RCBTB1: variants seen among roughly 807,000 people sequenced by gnomAD.
RCBTB1 encodes the protein RCC1 and BTB domain containing protein 1.
RCBTB1 carries 46 observed loss-of-function variants against 62.4 expected under a neutral mutation model. The observed-to-expected ratio is 0.74, with a 90% CI of 0.58 to 0.94. The LOEUF (loss-of-function observed/expected upper bound fraction) is 0.94, where lower values mean the gene tolerates loss of function less well. Among genes scored for constraint, RCBTB1 ranks in the 40% least tolerant of loss-of-function variants. The pLI is 0.00. For synonymous variants in RCBTB1, 222 were observed against 245.8 expected, an observed-to-expected ratio of 0.90 and a Z score of 0.91; for missense variants, 565 against 654.9, an observed-to-expected ratio of 0.86 and a Z score of 1.50.
intron 4 of RCBTB1, 109 bp from the exon 5 acceptor site, chr13:49,560,193 A>G: frequency 8.5e-7 from 1 of 1,176,200 alleles, no homozygotes; most frequent in Non-Finnish European, 1.2e-6. Flanking sequence ...TTTCTCTCCC[A>G]TTGCCCCCTC....
chr13:49,575,408 A>T (rs1294125607), intron 2 of RCBTB1, among the ~76,000 whole-genome samples: 2 of 148,508 alleles, frequency 1.3e-5, no homozygotes, highest in Non-Finnish European at 3.0e-5. Context: ...CTGGGTATAC[A>T]TCCAAAGGAA....
intron 12 of RCBTB1, among the ~76,000 whole-genome samples, chr13:49,540,292 T>C (rs1342490426): frequency 6.6e-6 from 1 of 152,130 alleles, no homozygotes; most frequent in Non-Finnish European, 1.5e-5. Context: ...TTCAAAAAAA[T>C]GCACACAAAC....
intron 4 of RCBTB1, among the ~76,000 whole-genome samples, chr13:49,565,268 C>CG (rs1482808175): frequency 1.3e-5 from 2 of 152,212 alleles, no homozygotes; most frequent in Non-Finnish European, 2.9e-5. Context: ...CTGCCAGCCT[C>CG]GGCCTCCCGA....
intron 1 of RCBTB1, among the ~76,000 whole-genome samples, chr13:49,584,985 G>C (rs1369124326): frequency 6.6e-6 from 1 of 152,130 alleles, no homozygotes; most frequent in Non-Finnish European, 1.5e-5. Context: ...TGTCGGAAAG[G>C]GAAACGATAA....
rs1323099002 is a variant in RCBTB1, at chr13:49,562,784, T to C, written c.278-2700A>G. On this transcript the variant is annotated intron_variant, in intron 4 of 12. Transcript: ENST00000378302. ...CGTGCCACCATCCCCGGCTTTTTTT[T>C]TTTTTTTTTTTTTTTTTTTTTTAAG... Among the ~76,000 whole-genome samples the C allele has an allele frequency of 1.1e-4, 15 of 132,998 alleles. 1 individual carries two copies. The highest frequency in any genetic ancestry group is 3.7e-4 in the African/African-American group (13 of 34,936). 87.3% of individuals were successfully genotyped at this position (132,998 alleles called of 152,430 possible). A position where few individuals can be genotyped will look rare whatever the true frequency, so the allele number is the denominator to read the frequency against.
intron 4 of RCBTB1, among the ~76,000 whole-genome samples, chr13:49,564,666 C>T (rs7336027): frequency 0.39 from 57,025 of 146,552 alleles, 13,243 homozygotes; most frequent in Non-Finnish European, 0.55. Flanking sequence ...CTGAGGTGGG[C>T]GGATCACGAG....
intron 5 of RCBTB1, among the ~76,000 whole-genome samples, chr13:49,559,435 T>C (rs1322536875): frequency 6.6e-6 from 1 of 152,104 alleles, no homozygotes; most frequent in East Asian, 1.9e-4. Flanking sequence ...GGCGGGCAGA[T>C]CACGAGGTCA....
chr13:49,548,176 G>A (rs943811923), intron 9 of RCBTB1, among the ~76,000 whole-genome samples: 2 of 151,858 alleles, frequency 1.3e-5, no homozygotes, highest in African/African-American at 4.8e-5. Flanking sequence ...CGGATCACGA[G>A]GTCAGGAGTT....
At chr13:49,575,689 G>T (rs551724406) in intron 2 of RCBTB1, among the ~76,000 whole-genome samples, 1 of 152,144 alleles carries the variant, frequency 6.6e-6, no homozygotes, top group South Asian at 2.1e-4. Context: ...ACTAAATATA[G>T]GGTACACGTG....
chr13:49,534,050 C>T lies in RCBTB1; in HGVS notation c.*72G>A, dbSNP rs981780476. On this transcript the variant is annotated 3_prime_UTR_variant, in exon 13 of 13. Coordinates refer to ENST00000378302, the MANE Select transcript of RCBTB1 (RefSeq NM_018191.4). ...CTTTTACCTGCAGAATCACATCACC[C>T]GTAGAGCACAAACTGGACACATCCT... 8.7e-6 allele frequency: 13 copies of T among 1,493,328 alleles called. No individual in the cohort carries two copies. The highest frequency in any genetic ancestry group is 4.2e-5 in the African/African-American group (3 of 71,416). The allele number at this position is 1,493,328 out of a possible 1,614,324, so 92.5% of individuals were successfully genotyped here.
intron 2 of RCBTB1, among the ~76,000 whole-genome samples, chr13:49,571,062 C>T (rs892338262): frequency 2.0e-5 from 3 of 152,094 alleles, no homozygotes; most frequent in African/African-American, 7.2e-5. Flanking sequence ...TAAAAAGTAT[C>T]CAGGCCGGGC....
intron 4 of RCBTB1, among the ~76,000 whole-genome samples, chr13:49,565,276 C>T (rs1022106134): frequency 2.0e-5 from 3 of 152,190 alleles, no homozygotes; most frequent in Admixed American, 1.3e-4. Flanking sequence ...CTCGGCCTCC[C>T]GAGGTGCCGA....
At position 49,559,916 on chromosome 13, in the gene RCBTB1, A is replaced by G. The variant is rs755622975; in HGVS notation, c.444+2T>C. 1 of 1,610,200 alleles carries G rather than the reference A, an allele frequency of 6.2e-7. No individual in the cohort carries two copies. Among genetic ancestry groups the G allele is most frequent in the Admixed American group, 1.7e-5 (1 of 59,272 alleles). On this transcript the variant is annotated splice_donor_variant, in intron 5 of 12. Transcript: ENST00000378302. LOFTEE classifies it high-confidence loss of function. ...AATAAAGAATAAAAGCAGCATACTT[A>G]CCTCTCCATCAGCTGCCAGAGCCAT... is the stretch of plus-strand genomic sequence containing the variant.
chr13:49,548,401 A>AG (rs1167285136), intron 9 of RCBTB1, among the ~76,000 whole-genome samples: 4 of 151,650 alleles, frequency 2.6e-5, no homozygotes, highest in Admixed American at 1.3e-4. Flanking sequence ...AAAAAAAAAA[A>AG]AAAAGAAAAG....
At chr13:49,582,103 G>A (rs1410603138) in intron 1 of RCBTB1, among the ~76,000 whole-genome samples, 1 of 152,180 alleles carries the variant, frequency 6.6e-6, no homozygotes, top group Non-Finnish European at 1.5e-5. Context: ...TGAATTAATG[G>A]GAAGGAGCCA....
At chr13:49,543,995 T>G (rs2093892678) in intron 10 of RCBTB1, among the ~76,000 whole-genome samples, 1 of 152,212 alleles carries the variant, frequency 6.6e-6, no homozygotes, top group Non-Finnish European at 1.5e-5. Context: ...CCTAGAACAT[T>G]CTTCAATTGG....
intron 2 of RCBTB1, among the ~76,000 whole-genome samples, chr13:49,579,739 C>T (rs184835746): frequency 1.8e-3 from 267 of 152,260 alleles, no homozygotes; most frequent in African/African-American, 6.1e-3. Flanking sequence ...GCTGAAGCCA[C>T]CTGTACAGGT....
intron 4 of RCBTB1, among the ~76,000 whole-genome samples, chr13:49,565,162 G>A (rs778629712): frequency 1.3e-5 from 2 of 152,210 alleles, no homozygotes; most frequent in South Asian, 2.1e-4. Flanking sequence ...TTGCAGGGGC[G>A]CGCCGCCACA....
intron 12 of RCBTB1, among the ~76,000 whole-genome samples, chr13:49,535,770 A>G (rs1959889695): frequency 6.6e-6 from 1 of 152,174 alleles, no homozygotes; most frequent in South Asian, 2.1e-4. Flanking sequence ...CACGCCTGTA[A>G]TCTCAGCACT....
Sources: gnomAD v4.1 joint callset for allele counts (sites outside exome capture counted in the v4.1 genomes callset) on GRCh38, gnomAD v4.1.1 for gene constraint, MANE v1.5 for transcripts, NCBI Gene and HGNC (gene_info 2026-07-23, HGNC 2026-07-21) for gene names.